Variants in ICA1 observed in about 807,000 individuals in gnomAD.
The protein encoded by ICA1 is islet cell autoantigen 1.
ICA1 carries 40 observed loss-of-function variants against 71.0 expected under a neutral mutation model. The ratio of observed to expected loss-of-function variants is 0.56; its 90% CI spans 0.44 to 0.73. ICA1 has a LOEUF of 0.73. ICA1 is among the 30% of genes least tolerant of loss of function. ICA1 has a pLI of 0.00. For synonymous variants in ICA1, 207 were observed against 209.5 expected (o/e 0.99, Z 0.10); for missense variants, 578 against 576.5 (o/e 1.00, Z -0.03).
In ICA1 at chr7:8,197,574, AAATAATAATAATAAT is replaced by A. The variant is rs56773343; in HGVS notation, c.579+20716_579+20730del. Among the ~76,000 whole-genome samples the A allele has an allele frequency of 3.1e-3, 398 of 129,622 alleles. 4 individuals are homozygous for A. The highest frequency in any genetic ancestry group is 0.027 in the South Asian group (105 of 3,888). 85.0% of individuals were successfully genotyped at this position (129,622 alleles called of 152,430 possible). A position where few individuals can be genotyped will look rare whatever the true frequency, so the allele number is the denominator to read the frequency against. On this transcript the variant is annotated intron_variant, in intron 6 of 13. Coordinates refer to ENST00000402384, the MANE Select transcript of ICA1 (RefSeq NM_001136020.3). ...AAAAAAAAAAAAAAGAAGAAAGAAG[AAATAATAATAATAAT>A]AATAATAATAATAATAATAATAATA...
Position 8,143,985 on chromosome 7 carries a change from C to T in ICA1, c.805-13G>A, listed in dbSNP as rs764725203. ...GGTCTTGTAAGCTCTTGATCACGAG[C>T]CATAGAAAAATGAAAAAGAAAAAAA... On this transcript the variant is annotated splice_polypyrimidine_tract_variant and intron_variant, in intron 8 of 13. Transcript: ENST00000402384. The T allele has an allele frequency of 1.5e-6, 2 of 1,353,244 alleles. No individual in the cohort carries two copies. The highest frequency in any genetic ancestry group is 2.1e-6 in the Non-Finnish European group (2 of 967,514). 83.8% of individuals were successfully genotyped at this position (1,353,244 alleles called of 1,614,324 possible).
chr7:8,143,058 A>AT (rs368373798), intron 9 of ICA1, among the ~76,000 whole-genome samples: 16 of 152,152 alleles, frequency 1.1e-4, no homozygotes, highest in African/African-American at 1.4e-4. Context: ...TGTCATCTAA[A>AT]TTTTTTTTGT....
intron 1 of ICA1, among the ~76,000 whole-genome samples, chr7:8,251,467 C>T (rs1808181629): frequency 6.8e-6 from 1 of 147,226 alleles, no homozygotes. Context: ...ATCTAGGATG[C>T]CCCCAGTCAC....
At chr7:8,183,168 G>A (rs780593810) in intron 6 of ICA1, among the ~76,000 whole-genome samples, 2 of 152,154 alleles carry the variant, frequency 1.3e-5, no homozygotes, top group African/African-American at 4.8e-5. Context: ...ATGGGAATGC[G>A]GGGGAAGATT....
At chr7:8,172,718 A>G (rs1380960455) in intron 6 of ICA1, among the ~76,000 whole-genome samples, 3 of 152,214 alleles carry the variant, frequency 2.0e-5, no homozygotes, top group African/African-American at 7.2e-5. Flanking sequence ...GGTTAAGAAC[A>G]CAGTTTAATT....
rs537901360 is a variant in ICA1 at position 8,134,469 on chromosome 7, C to G, written c.1060+4371G>C. 2.6e-5 allele frequency among the ~76,000 whole-genome samples: 4 copies of G among 152,298 alleles called. No homozygotes were observed. In the South Asian group the frequency reaches 8.3e-4, roughly 32 times the overall value. On this transcript the variant is annotated intron_variant, in intron 12 of 13. Coordinates refer to ENST00000402384, the MANE Select transcript of ICA1 (RefSeq NM_001136020.3). ...GACCGAAAACGAGAGCACAGAAAAG[C>G]TGGCAGATAAATGTCACTTAATTTA...
intron 6 of ICA1, among the ~76,000 whole-genome samples, chr7:8,195,954 G>A (rs180852484): frequency 1.3e-5 from 2 of 151,734 alleles, no homozygotes; most frequent in African/African-American, 2.4e-5. Flanking sequence ...CTCCAGCCTG[G>A]GCAACAGAGT....
intron 8 of ICA1, among the ~76,000 whole-genome samples, chr7:8,146,599 G>A (rs186854704): frequency 2.6e-3 from 398 of 152,084 alleles, no homozygotes; most frequent in Middle Eastern, 0.01. Context: ...AGCCTGCACT[G>A]GAGGGGAAAA....
At chr7:8,261,351 A>G (rs1216743045) in intron 1 of ICA1, among the ~76,000 whole-genome samples, 3 of 152,186 alleles carry the variant, frequency 2.0e-5, no homozygotes, top group Admixed American at 1.3e-4. Context: ...AAAGGCAGAC[A>G]TAACAACAGG....
At chr7:8,166,245 T>C (rs1392357473) in intron 6 of ICA1, among the ~76,000 whole-genome samples, 1 of 152,164 alleles carries the variant, frequency 6.6e-6, no homozygotes, top group Non-Finnish European at 1.5e-5. Flanking sequence ...GATTTCTCTG[T>C]GGGCCTATAT....
intron 1 of ICA1, among the ~76,000 whole-genome samples, chr7:8,242,285 G>A (rs571392786): frequency 6.6e-6 from 1 of 152,296 alleles, no homozygotes; most frequent in Non-Finnish European, 1.5e-5. Context: ...ACAACTACAT[G>A]CAAACTGAAC....
chr7:8,154,690 T>C (rs950617098), intron 8 of ICA1, among the ~76,000 whole-genome samples: 5 of 152,228 alleles, frequency 3.3e-5, no homozygotes, highest in Admixed American at 6.5e-5. Flanking sequence ...AAATTTTATA[T>C]ATTAAAAGAT....
At chr7:8,258,184 C>G (rs1477779881) in intron 1 of ICA1, among the ~76,000 whole-genome samples, 1 of 152,090 alleles carries the variant, frequency 6.6e-6, no homozygotes, top group Non-Finnish European at 1.5e-5. Flanking sequence ...TAGTTGACTC[C>G]TCTCTTTCCC....
At chr7:8,122,573 A>G (rs938023432) in intron 13 of ICA1, among the ~76,000 whole-genome samples, 15 of 152,248 alleles carry the variant, frequency 9.9e-5, no homozygotes, top group African/African-American at 3.6e-4. Context: ...CTCTGCATTC[A>G]AACTATAAAT....
chr7:8,158,544 T>G lies in ICA1; in HGVS notation c.688A>C (p.Met230Leu), dbSNP rs1032440988. Residue 230 changes from methionine to leucine, a missense_variant, in exon 7 of 14, where the codon ATG (methionine) becomes CTG (leucine). Met to Leu is a conservative substitution (Grantham distance 15, BLOSUM62 2). Transcript: ENST00000402384. Reference protein sequence around the residue: ...GASRCNLLSHMLATYQTTLLH... With the variant: ...GASRCNLLSHLLATYQTTLLH... ...TTTGTTACCTGGTATGTTGCTAGCA[T>G]GTGAGACAAGAGATTGCATCTGCTC... The G allele has an allele frequency of 6.2e-6, 10 of 1,614,156 alleles. No individual in the cohort carries two copies. Among genetic ancestry groups the G allele is most frequent in the Admixed American group, 1.7e-5 (1 of 60,022 alleles).
At chr7:8,244,457 A>G (rs1159959633) in intron 1 of ICA1, among the ~76,000 whole-genome samples, 3 of 152,236 alleles carry the variant, frequency 2.0e-5, no homozygotes, top group Non-Finnish European at 4.4e-5. Flanking sequence ...TAAAAACCCT[A>G]GAGGAAAACC....
At chr7:8,151,749 C>T (rs1426535025) in intron 8 of ICA1, among the ~76,000 whole-genome samples, 3 of 152,132 alleles carry the variant, frequency 2.0e-5, no homozygotes, top group Admixed American at 1.3e-4. Context: ...GGCTGCGAGG[C>T]ATATGAATTT....
chr7:8,147,503 T>C (rs896607436), intron 8 of ICA1, among the ~76,000 whole-genome samples: 1 of 152,128 alleles, frequency 6.6e-6, no homozygotes, highest in Non-Finnish European at 1.5e-5. Flanking sequence ...AGACAGGTGC[T>C]AAATATGTAC....
intron 8 of ICA1, among the ~76,000 whole-genome samples, chr7:8,149,925 T>C (rs902678324): frequency 6.6e-6 from 1 of 152,200 alleles, no homozygotes; most frequent in African/African-American, 2.4e-5. Flanking sequence ...ACATAATTCA[T>C]GGACATTTAG....
Sources: allele counts gnomAD v4.1 joint callset (sites outside exome capture counted in the v4.1 genomes callset), GRCh38; gene constraint gnomAD v4.1.1; transcripts MANE v1.5; gene names NCBI Gene and HGNC (gene_info 2026-07-23, HGNC 2026-07-21).